Variants in PCDHA10 observed in about 807,000 individuals in gnomAD.
PCDHA10 encodes protocadherin alpha-10.
Under a neutral mutation model 61.2 loss-of-function variants are expected in PCDHA10, and 45 were observed. That is an observed-to-expected ratio of 0.74 (90% confidence interval 0.58 to 0.94). The LOEUF is 0.94. Ranked by LOEUF, PCDHA10 falls within the 40% of genes least tolerant of loss-of-function variation. The pLI, the probability that PCDHA10 is intolerant of heterozygous loss-of-function variation, is 0.00. For synonymous variants in PCDHA10, 602 were observed against 548.8 expected, an observed-to-expected ratio of 1.10 and a Z score of -1.35; for missense variants, 1,278 against 1,236.2, an observed-to-expected ratio of 1.03 and a Z score of -0.51.
chr5:140,927,486 C>T (rs782314357), intron 1 of PCDHA10: 11 of 1,614,010 alleles, frequency 6.8e-6, no homozygotes, highest in Non-Finnish European at 8.5e-6. Flanking sequence ...AGCGCGCCAC[C>T]CACCTGCTGG....
At chr5:140,968,920 A>G (rs781931367) in intron 1 of PCDHA10, 1 of 1,614,120 alleles carries the variant, frequency 6.2e-7, no homozygotes, top group Admixed American at 1.7e-5. Flanking sequence ...TGTCTTTTAT[A>G]TTTCTTTTGA....
intron 1 of PCDHA10, chr5:140,929,034 C>T (rs561529051): frequency 2.5e-6 from 4 of 1,614,158 alleles, no homozygotes; most frequent in East Asian, 4.5e-5. Flanking sequence ...CAGGCTGTTG[C>T]GCTCAGAGCT....
rs549259485 is a variant in PCDHA10, at chr5:140,926,218, A to C, written c.2389-52731A>C. 2.0e-5 allele frequency among the ~76,000 whole-genome samples: 3 copies of C among 152,070 alleles called. No individual in the cohort carries two copies. In the South Asian group the frequency reaches 6.3e-4, roughly 32 times the overall value. On this transcript the variant is annotated intron_variant, in intron 1 of 3. Coordinates refer to ENST00000307360, the MANE Select transcript of PCDHA10 (RefSeq NM_018901.4). ...TCTTTCGGGGGGCTCCTGTTTCCTT[A>C]AGCCTAGAAGGTGTGGTCGCTCACG...
intron 1 of PCDHA10, chr5:140,877,982 T>C (rs1320294784): frequency 1.6e-6 from 2 of 1,221,162 alleles, no homozygotes; most frequent in African/African-American, 3.1e-5. Context: ...CTTACTCATT[T>C]TGAACTTTTA....
chr5:140,928,861 A>C (rs781787998), intron 1 of PCDHA10: 3 of 1,614,164 alleles, frequency 1.9e-6, no homozygotes, highest in Non-Finnish European at 2.5e-6. Context: ...TGTGCTGTTG[A>C]GCAACTCTGT....
chr5:140,915,957 T>G (rs1476969057), intron 1 of PCDHA10, among the ~76,000 whole-genome samples: 4 of 151,934 alleles, frequency 2.6e-5, no homozygotes, highest in African/African-American at 4.8e-5. Flanking sequence ...TACTTAGAAA[T>G]TTGCCTGATA....
intron 1 of PCDHA10, among the ~76,000 whole-genome samples, chr5:140,894,375 T>G (rs1246573357): frequency 1.3e-5 from 2 of 152,054 alleles, no homozygotes; most frequent in Non-Finnish European, 2.9e-5. Context: ...ATGGCTCCAA[T>G]TATATTTGTA....
intron 1 of PCDHA10, chr5:140,926,849 C>A: frequency 6.6e-7 from 1 of 1,517,430 alleles, no homozygotes. Flanking sequence ...CCTGGGTCAC[C>A]GTTGGTGTAG....
chr5:140,972,893 A>T (rs1452751778), intron 1 of PCDHA10, among the ~76,000 whole-genome samples: 1 of 151,858 alleles, frequency 6.6e-6, no homozygotes, highest in African/African-American at 2.4e-5. Context: ...CGATCTCTTG[A>T]CCTTGTGATC....
In PCDHA10 at chr5:141,007,573, TA is replaced by T. The variant is rs1265481031; in HGVS notation, c.2537-2048del. Among the ~76,000 whole-genome samples, 3 of 151,796 alleles carry T rather than the reference TA, an allele frequency of 2.0e-5. No homozygotes were observed. The East Asian group carries it at 5.8e-4, about 29-fold the overall frequency. On this transcript the variant is annotated intron_variant, in intron 3 of 3. Coordinates refer to ENST00000307360, the MANE Select transcript of PCDHA10 (RefSeq NM_018901.4). ...ACAGAGCAAGGCTCTATCTCAAATTTAAAAAATAATAATCATGATAATAATA... is the reference window on the plus strand; with the variant it reads ...ACAGAGCAAGGCTCTATCTCAAATTTAAAAATAATAATCATGATAATAATA...
intron 1 of PCDHA10, among the ~76,000 whole-genome samples, chr5:140,940,086 A>C (rs373629874): frequency 6.6e-6 from 1 of 152,214 alleles, no homozygotes; most frequent in Non-Finnish European, 1.5e-5. Flanking sequence ...TTTCTGCTAA[A>C]TTGAAACTTT....
At chr5:141,004,698 T>C (rs2098177351) in intron 3 of PCDHA10, among the ~76,000 whole-genome samples, 1 of 152,222 alleles carries the variant, frequency 6.6e-6, no homozygotes, top group East Asian at 1.9e-4. Context: ...AACCCAGTTT[T>C]AGGTGCCGAA....
At chr5:140,966,622 G>C in intron 1 of PCDHA10, 1 of 854,486 alleles carries the variant, frequency 1.2e-6, no homozygotes, top group Non-Finnish European at 1.6e-6. Flanking sequence ...TACGGAGGGA[G>C]CGGCCCCAGG....
intron 1 of PCDHA10, chr5:140,870,475 G>A (rs1554164304): frequency 1.2e-6 from 2 of 1,614,096 alleles, no homozygotes; most frequent in Admixed American, 1.7e-5. Context: ...CGCACAGCCC[G>A]AGTACACCGT....
At chr5:140,968,540 G>A (rs1554230842) in intron 1 of PCDHA10, 8 of 1,614,064 alleles carry the variant, frequency 5.0e-6, no homozygotes, top group Non-Finnish European at 1.7e-6. Context: ...AGCAGCCTTC[G>A]AGATGGTGCC....
At chr5:140,910,072 T>A (rs546252378) in intron 1 of PCDHA10, among the ~76,000 whole-genome samples, 359 of 152,300 alleles carry the variant, frequency 2.4e-3, no homozygotes, top group African/African-American at 8.0e-3. Flanking sequence ...ACAGCGTAAA[T>A]TGTTGTCAAG....
chr5:140,954,570 T>G (rs2095058412), intron 1 of PCDHA10, among the ~76,000 whole-genome samples: 1 of 152,252 alleles, frequency 6.6e-6, no homozygotes. Context: ...GACTGTCTTC[T>G]TTTCAGAAGT....
chr5:140,877,331 T>A (rs2057038565), intron 1 of PCDHA10: 15 of 1,613,962 alleles, frequency 9.3e-6, no homozygotes, highest in Non-Finnish European at 1.3e-5. Context: ...GGCGCGCACA[T>A]CCCGTTCCAC....
intron 3 of PCDHA10, among the ~76,000 whole-genome samples, chr5:140,996,915 A>G (rs1167259941): frequency 6.6e-6 from 1 of 152,244 alleles, no homozygotes; most frequent in Non-Finnish European, 1.5e-5. Flanking sequence ...TGAAGTAAAT[A>G]TTAAAAAATA....
Sources: gnomAD v4.1 joint callset for allele counts (sites outside exome capture counted in the v4.1 genomes callset) on GRCh38, gnomAD v4.1.1 for gene constraint, MANE v1.5 for transcripts, NCBI Gene and HGNC (gene_info 2026-07-23, HGNC 2026-07-21) for gene names.